RESP18: variants seen among roughly 807,000 people sequenced by gnomAD.
RESP18 encodes regulated endocrine specific protein 18, also known as regulated endocrine-specific protein 18.
In RESP18, 30 loss-of-function variants were observed where a neutral mutation model predicts 30.0. The observed-to-expected ratio is 1.00, with a 90% CI of 0.75 to 1.36. The LOEUF (loss-of-function observed/expected upper bound fraction) is 1.36, where lower values mean the gene tolerates loss of function less well. Among genes scored for constraint, RESP18 ranks in the 40% most tolerant of loss-of-function variants. RESP18 has a pLI of 0.00. For synonymous variants in RESP18, 117 were observed against 111.2 expected (o/e 1.05, Z -0.33); for missense variants, 320 against 284.2 (o/e 1.13, Z -0.91).
intron 3 of RESP18, among the ~76,000 whole-genome samples, chr2:219,330,405 A>G (rs1424930083): frequency 6.6e-6 from 1 of 151,844 alleles, no homozygotes; most frequent in Non-Finnish European, 1.5e-5. Context: ...ACAATTTCCT[A>G]CTCAGAGGCT....
intron 4 of RESP18, 150 bp from the exon 4 acceptor site, chr2:219,329,402 T>A (rs1438449613): frequency 1.3e-6 from 2 of 1,551,090 alleles, no homozygotes; most frequent in Non-Finnish European, 1.7e-6. Context: ...GTTTCTCCTC[T>A]TGCTAGAAGA....
In RESP18 at chr2:219,330,839, G is replaced by A. The variant is rs749467007; in HGVS notation, c.269C>T (p.Pro90Leu). The change falls in exon 3 of 7, where the codon CCC becomes CTC. Residue 90 changes from proline (P) to leucine (L), a missense_variant. Physicochemically the swap from Pro to Leu is moderately conservative, Grantham distance 98 (BLOSUM62 -3). Coordinates refer to ENST00000333527, the MANE Select transcript of RESP18 (RefSeq NM_001007089.4). ...GACTGGGGTGGCAAATCCTTGGAGG[G>A]GCCAAAGCTGCCCCACTCCTACTTG... 7.1e-6 allele frequency: 11 copies of A among 1,551,458 alleles called. No homozygotes were observed. In the South Asian group the frequency reaches 1.2e-4, roughly 17 times the overall value.
chr2:219,328,913 TCAATACTTACG>T lies in RESP18; in HGVS notation c.640_640+10del, dbSNP rs1257562531. The T allele has an allele frequency of 6.5e-7, 1 of 1,535,476 alleles. No homozygotes were observed. The highest frequency in any genetic ancestry group is 1.2e-5 in the South Asian group (1 of 83,446). The stretch of plus-strand genomic sequence containing the variant: ...TGCTGTTTCAATGCCTATTTTAAAC[TCAATACTTACG>T]CATGATCTTATAGATAATTTCTTCC... On this transcript the variant is annotated splice_donor_variant and splice_donor_5th_base_variant and coding_sequence_variant and intron_variant, in exon 6 of 7. Coordinates refer to ENST00000333527, the MANE Select transcript of RESP18 (RefSeq NM_001007089.4). LOFTEE classifies it high-confidence loss of function.
intron 2 of RESP18, 125 bp from the exon 2 acceptor site, chr2:219,331,000 G>T (rs748755117): frequency 1.6e-6 from 1 of 630,904 alleles, no homozygotes; most frequent in South Asian, 1.9e-5. Flanking sequence ...CTACCAGGCC[G>T]CTTTGTCCAC....
chr2:219,331,016 GTCTTC>G, intron 2 of RESP18, 141 bp from the exon 2 acceptor site: 1 of 591,204 alleles, frequency 1.7e-6, no homozygotes, highest in Non-Finnish European at 3.0e-6. Context: ...TCCACTTCAA[GTCTTC>G]TTTAATTTTT....
At chr2:219,327,626 T>C in intron 6 of RESP18, 63 bp from the exon 6 acceptor site, 2 of 1,364,636 alleles carry the variant, frequency 1.5e-6, no homozygotes, top group South Asian at 2.5e-5. Context: ...CTCCCTCATC[T>C]GCCCTCCTTC....
chr2:219,328,898 A>G, intron 6 of RESP18, 26 bp downstream of exon 5: 1 of 1,457,066 alleles, frequency 6.9e-7, no homozygotes, highest in Non-Finnish European at 9.4e-7. Flanking sequence ...TGCTGTTTCA[A>G]TGCCTATTTT....
chr2:219,329,514 C>T lies in RESP18; in HGVS notation c.465+123G>A. ...GAAATTCTTCTCTGCTGATTCCAAA[C>T]AGGACCTCTGAATTCTCACAGTGCT... On this transcript the variant is annotated intron_variant, in intron 4 of 6. Coordinates refer to ENST00000333527, the MANE Select transcript of RESP18 (RefSeq NM_001007089.4). 5 of 1,508,422 alleles carry T rather than the reference C, an allele frequency of 3.3e-6. No individual in the cohort carries two copies. The East Asian group carries it at 7.4e-5, about 22-fold the overall frequency. The allele number at this position is 1,508,422 out of a possible 1,614,324, so 93.4% of individuals were successfully genotyped here. A position where few individuals can be genotyped will look rare whatever the true frequency, so the allele number is the denominator to read the frequency against.
At chr2:219,331,808 C>T (rs1468792306) in intron 2 of RESP18, among the ~76,000 whole-genome samples, 1 of 152,188 alleles carries the variant, frequency 6.6e-6, no homozygotes, top group East Asian at 1.9e-4. Context: ...GGAATGTGGG[C>T]GAGACATCTC....
chr2:219,332,785 C>T (rs919309976), intron 1 of RESP18, 41 bp from the exon 1 acceptor site: 10 of 1,433,110 alleles, frequency 7.0e-6, no homozygotes, highest in Admixed American at 2.2e-5. Flanking sequence ...GCGGGCCCTG[C>T]CCCTGCGGTC....
At chr2:219,332,379 A>C in intron 2 of RESP18, 145 bp downstream of exon 1, 1 of 646,990 alleles carries the variant, frequency 1.5e-6, no homozygotes. Flanking sequence ...TCTTTCCGCT[A>C]GACGCTGTCT....
chr2:219,332,934 G>A (rs915605957), intron 1 of RESP18, among the ~76,000 whole-genome samples, 190 bp from the exon 1 acceptor site: 4 of 152,126 alleles, frequency 2.6e-5, no homozygotes, highest in Admixed American at 6.6e-5. Flanking sequence ...CGGATGGCAC[G>A]TAAGATACGG....
chr2:219,330,745 A>G, intron 3 of RESP18, 26 bp downstream of exon 2: 2 of 1,465,860 alleles, frequency 1.4e-6, no homozygotes, highest in Non-Finnish European at 1.9e-6. Context: ...CCAGGCCCCA[A>G]CCTCTGTTCT....
rs1298354814 is a variant in RESP18 at position 219,327,528 on chromosome 2, G to T, written c.676C>A (p.Pro226Thr). ...ACATGAGGTCTCAATCAGCCACAGG[G>T]TTGCGGCCCACAGTAGGAAGTGGCC... The change falls in exon 7 of 7, where the codon CCC becomes ACC. Residue 226 changes from proline to threonine, a missense_variant. Pro to Thr is a conservative substitution (Grantham distance 38, BLOSUM62 -1). Transcript: ENST00000333527. 1 of 1,551,530 alleles carries T rather than the reference G, an allele frequency of 6.4e-7. No homozygotes were observed. Among genetic ancestry groups the T allele is most frequent in the Non-Finnish European group, 8.7e-7 (1 of 1,146,958 alleles).
intron 2 of RESP18, 24 bp downstream of exon 1, chr2:219,332,500 G>T: frequency 6.5e-7 from 1 of 1,529,186 alleles, no homozygotes; most frequent in Non-Finnish European, 8.8e-7. Context: ...GGCCCTGCCC[G>T]CACCCCCCAG....
rs1264993771 is a variant in RESP18, at chr2:219,332,711, A to T, written c.45T>A (p.Ala15=). ...CGGCCGAGGGGCTGAGCGGGGCTGC[A>T]GCTTCCCACCAGCCCGCGACTCCGA... is the stretch of plus-strand genomic sequence containing the variant. The change falls in exon 2 of 7, where the codon GCT becomes GCA. Residue 15 remains alanine (A), a synonymous_variant. Coordinates refer to ENST00000333527, the MANE Select transcript of RESP18 (RefSeq NM_001007089.4). The T allele has an allele frequency of 2.6e-6, 4 of 1,548,542 alleles. No individual in the cohort carries two copies. In the South Asian group the frequency reaches 4.8e-5, roughly 18 times the overall value.
chr2:219,331,715 G>C (rs1042282252), intron 2 of RESP18, among the ~76,000 whole-genome samples: 3 of 152,282 alleles, frequency 2.0e-5, no homozygotes, highest in Middle Eastern at 3.4e-3. Flanking sequence ...TGACCCGCTC[G>C]GGCTCGGCGT....
chr2:219,328,932 T>G lies in RESP18; in HGVS notation c.632A>C (p.Lys211Thr), dbSNP rs370660410. Residue 211 changes from lysine (K) to threonine (T), a missense_variant, in exon 6 of 7, where the codon AAG becomes ACG. Transcript: ENST00000333527. The stretch of plus-strand genomic sequence containing the variant: ...TTAAACTCAATACTTACGCATGATC[T>G]TATAGATAATTTCTTCCTTAGAGGG... 15 of 1,548,500 alleles carry G rather than the reference T, an allele frequency of 9.7e-6. No individual in the cohort carries two copies. Among genetic ancestry groups the G allele is most frequent in the Non-Finnish European group, 1.3e-5 (15 of 1,144,124 alleles).
At chr2:219,330,632 C>T in intron 3 of RESP18, 139 bp downstream of exon 2, 1 of 515,262 alleles carries the variant, frequency 1.9e-6, no homozygotes, top group Non-Finnish European at 3.5e-6. Flanking sequence ...CCTGTCTCAT[C>T]CCCATGGGGG....
Sources: allele counts gnomAD v4.1 joint callset (sites outside exome capture counted in the v4.1 genomes callset), GRCh38; gene constraint gnomAD v4.1.1; transcripts MANE v1.5; gene names NCBI Gene and HGNC (gene_info 2026-07-23, HGNC 2026-07-21).